Variants in OLA1 observed in about 807,000 individuals in gnomAD.
OLA1 encodes Obg like ATPase 1.
A neutral mutation model predicts 48.4 loss-of-function variants in OLA1; 14 were observed. The observed-to-expected ratio is 0.29, with a 90% CI of 0.19 to 0.45. OLA1 has a LOEUF of 0.45. OLA1 is among the 20% of genes least tolerant of loss of function. OLA1 has a pLI of 1.00. For synonymous variants in OLA1, 127 were observed against 150.4 expected, an observed-to-expected ratio of 0.84 and a Z score of 1.14; for missense variants, 325 against 467.1, an observed-to-expected ratio of 0.70 and a Z score of 2.80.
At chr2:174,111,038 T>C (rs1347392330) in intron 7 of OLA1, among the ~76,000 whole-genome samples, 1 of 152,220 alleles carries the variant, frequency 6.6e-6, no homozygotes, top group Non-Finnish European at 1.5e-5. Context: ...AAATTATATT[T>C]CAAGTCAAAC....
intron 4 of OLA1, among the ~76,000 whole-genome samples, chr2:174,185,394 G>C (rs1687635799): frequency 6.6e-6 from 1 of 152,106 alleles, no homozygotes; most frequent in Non-Finnish European, 1.5e-5. Context: ...CATGGATTAT[G>C]GTTGACAACT....
chr2:174,227,400 T>C (rs1688639749), intron 3 of OLA1, among the ~76,000 whole-genome samples: 1 of 152,204 alleles, frequency 6.6e-6, no homozygotes, highest in Non-Finnish European at 1.5e-5. Context: ...AATCCCATAG[T>C]AAACTACCCT....
intron 2 of OLA1, among the ~76,000 whole-genome samples, chr2:174,236,577 G>A (rs887092565): frequency 1.3e-5 from 2 of 152,086 alleles, no homozygotes; most frequent in Non-Finnish European, 2.9e-5. Flanking sequence ...GCCATACATC[G>A]CTTAATGATG....
rs149407156 is a variant in OLA1, at chr2:174,166,442, T to C, written c.374-24442A>G. On this transcript the variant is annotated intron_variant, in intron 4 of 10. Coordinates refer to ENST00000284719, the MANE Select transcript of OLA1 (RefSeq NM_013341.5). ...AGAAACCCAACTGTGGGAGTCGCAG[T>C]ACTGGTTCACATACTTGGGAAACAT... Among the ~76,000 whole-genome samples, 855 of 152,244 alleles carry C rather than the reference T, an allele frequency of 5.6e-3. 6 individuals carry two copies. The highest frequency in any genetic ancestry group is 9.6e-3 in the Non-Finnish European group (652 of 68,004).
chr2:174,172,213 C>T (rs534522338), intron 4 of OLA1: 7 of 216,354 alleles, frequency 3.2e-5, no homozygotes, highest in South Asian at 8.9e-5. Flanking sequence ...GCAGCCAGTA[C>T]TGCAGGCCGT....
At chr2:174,227,996 C>G (rs1025346462) in intron 3 of OLA1, among the ~76,000 whole-genome samples, 3 of 152,120 alleles carry the variant, frequency 2.0e-5, no homozygotes, top group Non-Finnish European at 2.9e-5. Context: ...AAATGGTGGG[C>G]ACTGATTTAA....
chr2:174,176,811 C>T (rs1687431640), intron 4 of OLA1, among the ~76,000 whole-genome samples: 1 of 152,048 alleles, frequency 6.6e-6, no homozygotes, highest in African/African-American at 2.4e-5. Flanking sequence ...CAAAAAGAAC[C>T]ATTTTATTTT....
At chr2:174,196,030 CAATT>C (rs769354944) in intron 4 of OLA1, among the ~76,000 whole-genome samples, 2 of 152,018 alleles carry the variant, frequency 1.3e-5, no homozygotes, top group Non-Finnish European at 2.9e-5. Context: ...GAAAAAAACT[CAATT>C]ACTTAGAATG....
intron 2 of OLA1, among the ~76,000 whole-genome samples, chr2:174,242,281 T>C (rs902728540): frequency 1.3e-5 from 2 of 152,202 alleles, no homozygotes; most frequent in East Asian, 1.9e-4. Context: ...CATCAGGCAT[T>C]AGTTCGATTC....
chr2:174,165,359 AG>A (rs1454455908), intron 4 of OLA1, among the ~76,000 whole-genome samples: 3 of 152,214 alleles, frequency 2.0e-5, no homozygotes, highest in Non-Finnish European at 4.4e-5. Flanking sequence ...GGTGAAAGAA[AG>A]GGTATGTTCA....
intron 7 of OLA1, among the ~76,000 whole-genome samples, chr2:174,082,841 T>A (rs571906259): frequency 2.4e-4 from 37 of 152,128 alleles, no homozygotes; most frequent in Non-Finnish European, 4.7e-4. Context: ...AAAGTAGTAA[T>A]TAGAACATAA....
chr2:174,236,764 A>G (rs1688860226), intron 2 of OLA1, among the ~76,000 whole-genome samples: 1 of 152,210 alleles, frequency 6.6e-6, no homozygotes, highest in South Asian at 2.1e-4. Context: ...CTGTAGACAA[A>G]TGTAACACAA....
intron 5 of OLA1, among the ~76,000 whole-genome samples, chr2:174,139,856 C>A (rs1686397964): frequency 1.7e-5 from 2 of 116,262 alleles, no homozygotes. Context: ...CAGAGTGAGA[C>A]TCAGTCTCAA....
At chr2:174,140,853 G>C (rs763101058) in intron 5 of OLA1, among the ~76,000 whole-genome samples, 1 of 151,954 alleles carries the variant, frequency 6.6e-6, no homozygotes, top group Non-Finnish European at 1.5e-5. Context: ...CTTGCCAATG[G>C]GGGTAACCTG....
chr2:174,112,610 T>C (rs953902428), intron 7 of OLA1, among the ~76,000 whole-genome samples: 3 of 152,192 alleles, frequency 2.0e-5, no homozygotes, highest in Non-Finnish European at 4.4e-5. Flanking sequence ...TCACCCCTTA[T>C]GAAGCAATTA....
chr2:174,143,213 A>C (rs983295588), intron 4 of OLA1, among the ~76,000 whole-genome samples: 7 of 152,246 alleles, frequency 4.6e-5, no homozygotes, highest in Non-Finnish European at 1.0e-4. Context: ...AGCAATATTT[A>C]AGTTTTTTGC....
intron 4 of OLA1, among the ~76,000 whole-genome samples, chr2:174,182,016 G>A (rs959106924): frequency 7.2e-5 from 11 of 152,086 alleles, no homozygotes; most frequent in African/African-American, 2.7e-4. Flanking sequence ...AAAAGAGGGA[G>A]GTAATTCTTT....
intron 4 of OLA1, among the ~76,000 whole-genome samples, chr2:174,200,412 G>A (rs1057343579): frequency 6.6e-6 from 1 of 152,162 alleles, no homozygotes; most frequent in East Asian, 1.9e-4. Flanking sequence ...AAAGATTATA[G>A]CAGTTAGAAA....
At chr2:174,169,968 C>G (rs983218171) in intron 4 of OLA1, among the ~76,000 whole-genome samples, 4 of 151,980 alleles carry the variant, frequency 2.6e-5, no homozygotes, top group African/African-American at 9.7e-5. Flanking sequence ...GCATAAAAGA[C>G]AGGGAGGGAA....
Sources: gnomAD v4.1 joint callset for allele counts (sites outside exome capture counted in the v4.1 genomes callset) on GRCh38, gnomAD v4.1.1 for gene constraint, MANE v1.5 for transcripts, NCBI Gene and HGNC (gene_info 2026-07-23, HGNC 2026-07-21) for gene names.